The following LATS2 variants were observed in gnomAD, a reference collection of about 807,000 sequenced individuals.
LATS2 encodes large tumor suppressor kinase 2, also known as serine/threonine-protein kinase LATS2.
A neutral mutation model predicts 76.0 loss-of-function variants in LATS2; 24 were observed. The observed-to-expected ratio is 0.32, with a 90% CI of 0.23 to 0.44. LATS2 has a LOEUF of 0.44. Ranked by LOEUF, LATS2 falls within the 20% of genes least tolerant of loss-of-function variation. The pLI, the probability that LATS2 is intolerant of heterozygous loss-of-function variation, is 1.00. For missense variants in LATS2, 1,286 were observed against 1,481.2 expected (o/e 0.87, Z 2.16); for synonymous variants, 692 against 635.4 (o/e 1.09, Z -1.34).
chr13:20,973,577 G>A lies in LATS2; in HGVS notation c.*1293C>T, dbSNP rs1869438127. 2 of 231,748 alleles carry A rather than the reference G, an allele frequency of 8.6e-6. No individual in the cohort carries two copies. 14.4% of individuals were successfully genotyped at this position (231,748 alleles called of 1,614,324 possible). On this transcript the variant is annotated 3_prime_UTR_variant, in exon 8 of 8. Transcript: ENST00000382592. ...CTATACTTCTAAGAAAATACGTATG[G>A]CTTACTTTTTATTTCAATGTCATTT...
At chr13:21,027,478 C>T (rs1292780372) in intron 2 of LATS2, among the ~76,000 whole-genome samples, 4 of 152,198 alleles carry the variant, frequency 2.6e-5, no homozygotes. Flanking sequence ...AACCCTCAAC[C>T]TCCGCCCTTT....
intron 2 of LATS2, among the ~76,000 whole-genome samples, chr13:21,000,980 A>G (rs187351657): frequency 3.2e-4 from 49 of 152,348 alleles, no homozygotes; most frequent in Admixed American, 2.9e-3. Context: ...TGTTAAAGAG[A>G]GCATGACAAT....
intron 4 of LATS2, among the ~76,000 whole-genome samples, chr13:20,986,890 A>G (rs1361950630): frequency 6.6e-6 from 1 of 151,642 alleles, no homozygotes; most frequent in African/African-American, 2.4e-5. Flanking sequence ...TACAAATACT[A>G]TGTATAAATA....
intron 6 of LATS2, 126 bp from the exon 7 acceptor site, chr13:20,979,923 C>T (rs753088545): frequency 5.6e-5 from 30 of 533,588 alleles, no homozygotes; most frequent in African/African-American, 1.9e-4. Context: ...TCGCACTGTG[C>T]GCAAGATGGA....
At chr13:21,048,444 C>T (rs61520894) in intron 1 of LATS2, among the ~76,000 whole-genome samples, 7,072 of 152,222 alleles carry the variant, frequency 0.046, 510 homozygotes, top group African/African-American at 0.16. Context: ...CCTGACAATA[C>T]GCAGAGAGTT....
chr13:21,041,220 C>T (rs1160966222), intron 2 of LATS2, among the ~76,000 whole-genome samples: 1 of 152,122 alleles, frequency 6.6e-6, no homozygotes, highest in Non-Finnish European at 1.5e-5. Context: ...GATCTGCCCG[C>T]CTTGGCCTCC....
chr13:21,044,824 G>A (rs970896366), intron 2 of LATS2, among the ~76,000 whole-genome samples: 1 of 151,718 alleles, frequency 6.6e-6, no homozygotes, highest in Admixed American at 6.6e-5. Flanking sequence ...AAACTCCTAG[G>A]CTCAAGCGAT....
intron 1 of LATS2, among the ~76,000 whole-genome samples, chr13:21,049,536 A>G (rs1873188493): frequency 6.6e-6 from 1 of 152,132 alleles, no homozygotes; most frequent in Non-Finnish European, 1.5e-5. Flanking sequence ...CTCCCGGCTC[A>G]CTCACATTCC....
intron 1 of LATS2, among the ~76,000 whole-genome samples, chr13:21,059,424 C>A (rs1392200560): frequency 1.3e-5 from 2 of 151,830 alleles, no homozygotes. Flanking sequence ...AGCGAAACCC[C>A]GTCTCTACTA....
intron 2 of LATS2, chr13:21,038,515 CTCTT>C (rs1565962465): frequency 6.6e-6 from 1 of 152,214 alleles, no homozygotes; most frequent in South Asian, 2.1e-4. Flanking sequence ...TTTTATCTCT[CTCTT>C]TCTTTTCAGT....
chr13:21,025,209 G>T (rs757325184), intron 2 of LATS2, among the ~76,000 whole-genome samples: 1 of 118,854 alleles, frequency 8.4e-6, no homozygotes, highest in African/African-American at 3.0e-5. Flanking sequence ...GCGAAACCCC[G>T]TCTCTACTAA....
chr13:21,041,374 G>A (rs1872875781), intron 2 of LATS2, among the ~76,000 whole-genome samples: 1 of 152,170 alleles, frequency 6.6e-6, no homozygotes, highest in African/African-American at 2.4e-5. Flanking sequence ...CTGACCACTG[G>A]CTGTCTTCTT....
intron 2 of LATS2, among the ~76,000 whole-genome samples, chr13:21,028,655 C>G (rs1872405955): frequency 6.6e-6 from 1 of 152,206 alleles, no homozygotes; most frequent in Non-Finnish European, 1.5e-5. Flanking sequence ...ACCGCAACCT[C>G]CGCCTCCCGG....
At chr13:21,006,430 T>A (rs1468584074) in intron 2 of LATS2, among the ~76,000 whole-genome samples, 2 of 152,202 alleles carry the variant, frequency 1.3e-5, no homozygotes, top group Non-Finnish European at 2.9e-5. Context: ...TTGTGGCACC[T>A]AAGTTATATG....
chr13:20,984,128 T>C (rs1378211007), intron 4 of LATS2, among the ~76,000 whole-genome samples: 1 of 152,160 alleles, frequency 6.6e-6, no homozygotes, highest in African/African-American at 2.4e-5. Context: ...GAAACAGCGT[T>C]TCATCATGTT....
At chr13:20,998,337 A>G (rs1390989588) in intron 2 of LATS2, among the ~76,000 whole-genome samples, 1 of 151,978 alleles carries the variant, frequency 6.6e-6, no homozygotes, top group Admixed American at 6.6e-5. Flanking sequence ...TGGGAGACAG[A>G]GCAAGAGACC....
chr13:21,033,085 T>C (rs1872586183), intron 2 of LATS2, among the ~76,000 whole-genome samples: 1 of 150,392 alleles, frequency 6.6e-6, no homozygotes, highest in Non-Finnish European at 1.5e-5. Flanking sequence ...AATCCAGGTA[T>C]AGTAGAGCAG....
chr13:21,039,547 T>C (rs1872794620), intron 2 of LATS2, among the ~76,000 whole-genome samples: 1 of 152,206 alleles, frequency 6.6e-6, no homozygotes, highest in Non-Finnish European at 1.5e-5. Flanking sequence ...TCTTTTCCAG[T>C]GTCTGACAAC....
chr13:21,046,683 T>C (rs1320416601), intron 1 of LATS2, among the ~76,000 whole-genome samples: 2 of 152,198 alleles, frequency 1.3e-5, no homozygotes, highest in Non-Finnish European at 1.5e-5. Flanking sequence ...TCACATGAGA[T>C]GTGGTCCTTC....
Sources: gnomAD v4.1 joint callset for allele counts (sites outside exome capture counted in the v4.1 genomes callset) on GRCh38, gnomAD v4.1.1 for gene constraint, MANE v1.5 for transcripts, NCBI Gene and HGNC (gene_info 2026-07-23, HGNC 2026-07-21) for gene names.